The following CFAP47 variants were observed in gnomAD, a reference collection of about 807,000 sequenced individuals.
CFAP47 encodes the protein cilia- and flagella-associated protein 47.
CFAP47 carries 29 observed loss-of-function variants against 148.1 expected under a neutral mutation model. That is an observed-to-expected ratio of 0.20 (90% CI 0.15 to 0.27). CFAP47 has a LOEUF of 0.27. Among genes scored for constraint, CFAP47 ranks in the 10% least tolerant of loss-of-function variants. CFAP47 has a pLI of 1.00. For synonymous variants in CFAP47, 664 were observed against 577.3 expected (o/e 1.15, Z -2.15); for missense variants, 1,872 against 1,697.5 (o/e 1.10, Z -1.81).
intron 45 of CFAP47, among the ~76,000 whole-genome samples, chrX:36,217,474 G>A (rs1170178735): frequency 9.0e-6 from 1 of 111,231 alleles, no homozygotes; most frequent in Non-Finnish European, 1.9e-5. Context: ...CTTATTTTAA[G>A]CTTGCTTCTT....
At chrX:35,922,584 G>T (rs1307658539) in intron 1 of CFAP47, among the ~76,000 whole-genome samples, 1 of 112,795 alleles carries the variant, frequency 8.9e-6, no homozygotes, top group African/African-American at 3.2e-5. Flanking sequence ...AGGCTTATGT[G>T]GAAAATATTG....
intron 39 of CFAP47, among the ~76,000 whole-genome samples, chrX:36,170,961 G>C (rs1939566127): frequency 9.1e-6 from 1 of 109,600 alleles, no homozygotes; most frequent in Non-Finnish European, 1.9e-5. Context: ...GGCACCTGTT[G>C]TTTCCTGACT....
At chrX:36,354,784 C>T (rs1941773015) in intron 60 of CFAP47, among the ~76,000 whole-genome samples, 1 of 110,840 alleles carries the variant, frequency 9.0e-6, no homozygotes, top group Non-Finnish European at 1.9e-5. Context: ...GCCAAAGACC[C>T]TGTGCTTGGC....
intron 26 of CFAP47, among the ~76,000 whole-genome samples, chrX:36,047,630 GC>G (rs1313135802): frequency 2.7e-5 from 3 of 111,670 alleles, no homozygotes; most frequent in Admixed American, 9.5e-5. Flanking sequence ...TAACTAAATG[GC>G]AAGAGGTTGA....
At chrX:36,206,817 C>T (rs1940044242) in intron 45 of CFAP47, among the ~76,000 whole-genome samples, 1 of 111,528 alleles carries the variant, frequency 9.0e-6, no homozygotes, top group African/African-American at 3.3e-5. Context: ...AAGATGATTA[C>T]TGTCAAAATA....
intron 36 of CFAP47, among the ~76,000 whole-genome samples, chrX:36,148,420 C>G (rs769546814): frequency 3.6e-5 from 4 of 111,895 alleles, no homozygotes; most frequent in East Asian, 2.8e-4. Flanking sequence ...TTCAGACAAG[C>G]CTTACTGGAG....
chrX:36,184,369 G>C (rs992875580), intron 40 of CFAP47, among the ~76,000 whole-genome samples: 1 of 111,481 alleles, frequency 9.0e-6, no homozygotes, highest in Non-Finnish European at 1.9e-5. Context: ...GTAGGGGCAT[G>C]CAAGGGGAAA....
chrX:36,156,547 AT>A (rs1267854039), intron 37 of CFAP47, among the ~76,000 whole-genome samples: 9 of 110,777 alleles, frequency 8.1e-5, no homozygotes, highest in Non-Finnish European at 1.7e-4. Context: ...ACTGACATTG[AT>A]GTGTTGTATA....
intron 62 of CFAP47, 85 bp downstream of exon 62, chrX:36,367,212 T>C: frequency 4.3e-6 from 3 of 690,687 alleles, no homozygotes; most frequent in Non-Finnish European, 6.1e-6. Context: ...ATTCTATAGT[T>C]CATCTTTTGC....
chrX:35,927,310 A>G (rs1935758363), intron 2 of CFAP47, among the ~76,000 whole-genome samples: 1 of 111,730 alleles, frequency 9.0e-6, no homozygotes, highest in South Asian at 3.7e-4. Flanking sequence ...TAGGAAAAAA[A>G]CAAGCTATTA....
At chrX:36,027,339 C>T (rs1937231317) in intron 22 of CFAP47, among the ~76,000 whole-genome samples, 1 of 109,062 alleles carries the variant, frequency 9.2e-6, no homozygotes, top group Admixed American at 1.0e-4. Context: ...CGCCATCTCA[C>T]ACCATCCCAC....
chrX:36,069,982 G>A (rs979409805), intron 27 of CFAP47, among the ~76,000 whole-genome samples: 2 of 111,378 alleles, frequency 1.8e-5, no homozygotes, highest in Non-Finnish European at 3.8e-5. Flanking sequence ...TCATTTAATG[G>A]CAAGTTAAAA....
intron 57 of CFAP47, among the ~76,000 whole-genome samples, chrX:36,326,875 A>G (rs1027497643): frequency 5.4e-5 from 6 of 111,544 alleles, no homozygotes; most frequent in African/African-American, 2.0e-4. Context: ...TCTCTTCTAT[A>G]AATGGTGTGG....
chrX:36,022,896 T>C (rs1004005935), intron 22 of CFAP47, among the ~76,000 whole-genome samples: 6 of 112,150 alleles, frequency 5.3e-5, no homozygotes, highest in African/African-American at 1.9e-4. Context: ...TTGAGTTTCC[T>C]CAAAATAACT....
At chrX:36,014,541 C>G (rs1937075993) in intron 21 of CFAP47, among the ~76,000 whole-genome samples, 1 of 110,279 alleles carries the variant, frequency 9.1e-6, no homozygotes, top group African/African-American at 3.3e-5. Context: ...TATTTAAAAT[C>G]TGGTTCATTT....
At chrX:36,113,434 TG>T (rs756197599) in intron 33 of CFAP47, among the ~76,000 whole-genome samples, 96 of 112,097 alleles carry the variant, frequency 8.6e-4, no homozygotes, top group African/African-American at 3.1e-3. Flanking sequence ...TTCTGGTTTG[TG>T]GGGTTTCTGC....
At chrX:36,169,910 A>G (rs760770911) in intron 39 of CFAP47, among the ~76,000 whole-genome samples, 3 of 112,064 alleles carry the variant, frequency 2.7e-5, no homozygotes, top group South Asian at 7.4e-4. Context: ...ATGCATTACA[A>G]ATTAAGGCTT....
intron 46 of CFAP47, among the ~76,000 whole-genome samples, chrX:36,233,938 T>A (rs1412284771): frequency 9.0e-6 from 1 of 111,693 alleles, no homozygotes; most frequent in Non-Finnish European, 1.9e-5. Flanking sequence ...ATGTTGAATA[T>A]TGGCCCCCAC....
chrX:35,991,612 T>A (rs755125339), intron 16 of CFAP47, among the ~76,000 whole-genome samples: 1 of 110,668 alleles, frequency 9.0e-6, no homozygotes, highest in South Asian at 3.7e-4. Context: ...AACTAGCATA[T>A]AAAGTCCTGA....
Sources: allele counts gnomAD v4.1 joint callset (sites outside exome capture counted in the v4.1 genomes callset), GRCh38; gene constraint gnomAD v4.1.1; transcripts MANE v1.5; gene names NCBI Gene and HGNC (gene_info 2026-07-23, HGNC 2026-07-21).